ZDHHC17: variants seen among roughly 807,000 people sequenced by gnomAD.
The protein encoded by ZDHHC17 is palmitoyltransferase ZDHHC17.
Under a neutral mutation model 90.3 loss-of-function variants are expected in ZDHHC17, and 40 were observed. The observed-to-expected ratio is 0.44, with a 90% CI of 0.34 to 0.58. The LOEUF (loss-of-function observed/expected upper bound fraction) is 0.58. Ranked by LOEUF, ZDHHC17 falls within the 20% of genes least tolerant of loss-of-function variation. The pLI, the probability that ZDHHC17 is intolerant of heterozygous loss-of-function variation, is 0.01. For synonymous variants in ZDHHC17, 235 were observed against 252.4 expected, an observed-to-expected ratio of 0.93 and a Z score of 0.65; for missense variants, 614 against 780.8, an observed-to-expected ratio of 0.79 and a Z score of 2.55.
chr12:76,770,926 C>CAA (rs34292734), intron 1 of ZDHHC17, among the ~76,000 whole-genome samples: 894 of 76,030 alleles, frequency 0.012, 12 homozygotes, highest in African/African-American at 0.041. Flanking sequence ...AACTCCATCT[C>CAA]AAAAAAAAAA....
At chr12:76,806,709 C>T (rs540923733) in intron 3 of ZDHHC17, among the ~76,000 whole-genome samples, 4 of 152,230 alleles carry the variant, frequency 2.6e-5, no homozygotes, top group Non-Finnish European at 4.4e-5. Context: ...GACAGGGTTT[C>T]GCCGTGTTTC....
intron 5 of ZDHHC17, 48 bp from the exon 6 acceptor site, chr12:76,815,098 G>A: frequency 7.0e-7 from 1 of 1,424,080 alleles, no homozygotes; most frequent in South Asian, 1.3e-5. Flanking sequence ...AATTTGGTTA[G>A]GAACTTATAA....
chr12:76,822,651 T>A (rs1442641733), intron 8 of ZDHHC17, 120 bp downstream of exon 8: 1 of 749,432 alleles, frequency 1.3e-6, no homozygotes, highest in Non-Finnish European at 2.2e-6. Context: ...GCCTCTCGGT[T>A]TAAAGTGATT....
At chr12:76,779,456 G>T (rs1952599127) in intron 1 of ZDHHC17, among the ~76,000 whole-genome samples, 1 of 152,058 alleles carries the variant, frequency 6.6e-6, no homozygotes. Flanking sequence ...GTGTGCAGGG[G>T]AACTCCCATT....
At chr12:76,821,749 A>G (rs1375030962) in intron 7 of ZDHHC17, among the ~76,000 whole-genome samples, 1 of 152,268 alleles carries the variant, frequency 6.6e-6, no homozygotes, top group East Asian at 1.9e-4. Flanking sequence ...GGGAATGCTT[A>G]TTTGTTTCTT....
intron 3 of ZDHHC17, among the ~76,000 whole-genome samples, chr12:76,806,389 C>T (rs1952953706): frequency 6.6e-6 from 1 of 152,140 alleles, no homozygotes; most frequent in Non-Finnish European, 1.5e-5. Context: ...AGCAATTCTC[C>T]TGCCTCAGCC....
chr12:76,845,860 A>G, intron 13 of ZDHHC17, 58 bp downstream of exon 13: 3 of 917,156 alleles, frequency 3.3e-6, no homozygotes, highest in South Asian at 2.9e-5. Context: ...TAGGTAATGA[A>G]TAAAGTATAA....
At chr12:76,767,377 A>ATT (rs1196959371) in intron 1 of ZDHHC17, among the ~76,000 whole-genome samples, 5 of 152,258 alleles carry the variant, frequency 3.3e-5, no homozygotes, top group Admixed American at 3.3e-4. Flanking sequence ...CATTGCTTAA[A>ATT]TCTCTTATTA....
Position 76,841,975 on chromosome 12 carries a change from T to C in ZDHHC17, c.1142-7T>C. On this transcript the variant is annotated splice_region_variant and splice_polypyrimidine_tract_variant and intron_variant, in intron 10 of 16. Coordinates refer to ENST00000426126, the MANE Select transcript of ZDHHC17 (RefSeq NM_015336.4). ...ATTGCTTCTTTAGATTCCTTAACCT[T>C]AGGCACATCTCAACTTTTTATTTAT... The C allele has an allele frequency of 6.5e-7, 1 of 1,547,540 alleles. No homozygotes were observed. The highest frequency in any genetic ancestry group is 8.7e-7 in the Non-Finnish European group (1 of 1,148,840).
At chr12:76,819,295 T>G (rs540409915) in intron 7 of ZDHHC17, among the ~76,000 whole-genome samples, 181 of 152,262 alleles carry the variant, frequency 1.2e-3, no homozygotes, top group African/African-American at 4.2e-3. Flanking sequence ...TGCTGCCAAT[T>G]TTGAAAAGGA....
At chr12:76,776,522 G>A (rs762928718) in intron 1 of ZDHHC17, among the ~76,000 whole-genome samples, 6 of 151,990 alleles carry the variant, frequency 3.9e-5, no homozygotes, top group Non-Finnish European at 8.8e-5. Flanking sequence ...TAAATGTTAT[G>A]TTATAAAATC....
chr12:76,778,079 T>A (rs1338110384), intron 1 of ZDHHC17, among the ~76,000 whole-genome samples: 1 of 152,154 alleles, frequency 6.6e-6, no homozygotes, highest in Non-Finnish European at 1.5e-5. Context: ...TGAAGGGAGA[T>A]CTTATTTACA....
At chr12:76,806,047 C>T (rs777468457) in intron 3 of ZDHHC17, among the ~76,000 whole-genome samples, 1 of 152,108 alleles carries the variant, frequency 6.6e-6, no homozygotes, top group South Asian at 2.1e-4. Context: ...CTCAGCAAAT[C>T]TTGTTTAGTA....
intron 1 of ZDHHC17, among the ~76,000 whole-genome samples, chr12:76,772,917 C>T (rs902109037): frequency 2.7e-5 from 4 of 150,916 alleles, no homozygotes; most frequent in African/African-American, 7.3e-5. Flanking sequence ...AGTGCAATGG[C>T]GTGATTCTTG....
intron 7 of ZDHHC17, 119 bp from the exon 8 acceptor site, chr12:76,822,287 A>C: frequency 7.6e-7 from 1 of 1,310,260 alleles, no homozygotes; most frequent in Non-Finnish European, 1.0e-6. Context: ...AGTAATTTAC[A>C]CAATGTCAAA....
chr12:76,765,229 G>A (rs1408702411), intron 1 of ZDHHC17, among the ~76,000 whole-genome samples: 1 of 152,224 alleles, frequency 6.6e-6, no homozygotes, highest in Non-Finnish European at 1.5e-5. Flanking sequence ...GTTGTAGGAT[G>A]AACAAACATG....
intron 11 of ZDHHC17, among the ~76,000 whole-genome samples, chr12:76,842,715 C>CT (rs755465927): frequency 2.6e-5 from 4 of 152,030 alleles, no homozygotes; most frequent in Non-Finnish European, 5.9e-5. Context: ...GTCTAATCCC[C>CT]TTTTTTCTGG....
chr12:76,797,905 C>G (rs1409469141), intron 2 of ZDHHC17, among the ~76,000 whole-genome samples: 2 of 151,724 alleles, frequency 1.3e-5, no homozygotes, highest in Non-Finnish European at 1.5e-5. Flanking sequence ...GATTGCGCCA[C>G]TGTGCTCCAG....
At chr12:76,827,088 A>C (rs777889094) in intron 9 of ZDHHC17, 38 bp downstream of exon 9, 1 of 1,513,670 alleles carries the variant, frequency 6.6e-7, no homozygotes, top group Non-Finnish European at 8.8e-7. Flanking sequence ...TAAACTGTAC[A>C]TGAAATAATA....
Sources: allele counts gnomAD v4.1 joint callset (sites outside exome capture counted in the v4.1 genomes callset), GRCh38; gene constraint gnomAD v4.1.1; transcripts MANE v1.5; gene names NCBI Gene and HGNC (gene_info 2026-07-23, HGNC 2026-07-21).